The following PDE9A variants were observed in gnomAD, a reference collection of about 807,000 sequenced individuals.
The protein encoded by PDE9A is phosphodiesterase 9A, also known as high affinity cGMP-specific 3',5'-cyclic phosphodiesterase 9A.
PDE9A carries 60 observed loss-of-function variants against 87.4 expected under a neutral mutation model. The ratio of observed to expected loss-of-function variants is 0.69; its 90% CI spans 0.56 to 0.85. The LOEUF (loss-of-function observed/expected upper bound fraction) is 0.85, where lower values mean the gene tolerates loss of function less well. PDE9A is among the 40% of genes least tolerant of loss of function. The pLI, the probability that PDE9A is intolerant of heterozygous loss-of-function variation, is 0.00. For synonymous variants in PDE9A, 272 were observed against 279.4 expected (o/e 0.97, Z 0.27); for missense variants, 665 against 779.0 (o/e 0.85, Z 1.74).
At chr21:42,680,012 G>A (rs2059075705) in intron 1 of PDE9A, among the ~76,000 whole-genome samples, 1 of 152,226 alleles carries the variant, frequency 6.6e-6, no homozygotes, top group Admixed American at 6.5e-5. Flanking sequence ...GAGGCTGAGA[G>A]GTCTTCAGAA....
intron 1 of PDE9A, among the ~76,000 whole-genome samples, chr21:42,658,249 G>C (rs71320535): frequency 2.0e-5 from 3 of 152,268 alleles, no homozygotes; most frequent in Middle Eastern, 6.8e-3. Flanking sequence ...GGTCCTCCCC[G>C]CAGTGCTTGG....
chr21:42,657,816 C>T (rs901132482), intron 1 of PDE9A, among the ~76,000 whole-genome samples: 3 of 152,220 alleles, frequency 2.0e-5, no homozygotes, highest in Admixed American at 2.0e-4. Context: ...TCGGGACACT[C>T]GCACTGTGCG....
At chr21:42,707,070 C>T (rs767473021) in intron 4 of PDE9A, among the ~76,000 whole-genome samples, 27 of 152,274 alleles carry the variant, frequency 1.8e-4, no homozygotes, top group African/African-American at 4.6e-4. Context: ...TCCACAAAGG[C>T]TCTTGTGAAT....
chr21:42,672,741 T>C (rs1361955163), intron 1 of PDE9A, among the ~76,000 whole-genome samples: 1 of 152,248 alleles, frequency 6.6e-6, no homozygotes, highest in Non-Finnish European at 1.5e-5. Context: ...CGGTTGATCT[T>C]ATTAACGCAT....
intron 3 of PDE9A, among the ~76,000 whole-genome samples, 160 bp downstream of exon 3, chr21:42,688,154 C>T (rs2059582148): frequency 6.6e-6 from 1 of 152,196 alleles, no homozygotes; most frequent in South Asian, 2.1e-4. Flanking sequence ...AAGCTTGACT[C>T]GTCGTGTTCC....
At chr21:42,681,642 T>C (rs1602017041) in intron 1 of PDE9A, among the ~76,000 whole-genome samples, 1 of 152,210 alleles carries the variant, frequency 6.6e-6, no homozygotes, top group Non-Finnish European at 1.5e-5. Context: ...GCCCTCTGTC[T>C]CATCATTTGT....
intron 1 of PDE9A, among the ~76,000 whole-genome samples, chr21:42,667,789 G>C (rs778458796): frequency 3.3e-5 from 5 of 152,006 alleles, no homozygotes; most frequent in Admixed American, 6.6e-5. Context: ...CCTGCTGTTT[G>C]GTCCAGGACC....
intron 7 of PDE9A, among the ~76,000 whole-genome samples, chr21:42,736,244 G>A (rs559083359): frequency 3.6e-4 from 55 of 152,160 alleles, no homozygotes; most frequent in Admixed American, 5.2e-4. Context: ...GAATTATGTC[G>A]CCCACAACAA....
chr21:42,754,064 G>A lies in PDE9A; in HGVS notation c.810G>A (p.Glu270=), dbSNP rs1193066074. 5.6e-6 allele frequency: 9 copies of A among 1,608,074 alleles called. No individual in the cohort carries two copies. Among genetic ancestry groups the A allele is most frequent in the African/African-American group, 4.0e-5 (3 of 74,736 alleles). The change falls in exon 10 of 20, where the codon GAG becomes GAA. Residue 270 remains glutamate (E), a splice_region_variant and synonymous_variant. Transcript: ENST00000291539. ...TFDVWLWEPN[E]MLSCLEHMYH... is the part of the protein sequence containing the mutation. The stretch of plus-strand genomic sequence containing the variant: ...ACGTCTGGCTTTGGGAGCCCAATGA[G>A]GTAAGTGCGGGGCTTGCAGGCACCA...
intron 1 of PDE9A, among the ~76,000 whole-genome samples, chr21:42,670,480 A>C (rs2058459516): frequency 6.6e-6 from 1 of 150,934 alleles, no homozygotes; most frequent in African/African-American, 2.4e-5. Flanking sequence ...AGACTTACAC[A>C]CATACACTTA....
In PDE9A at chr21:42,675,578, G is replaced by A. The variant is rs936998659; in HGVS notation, c.70-10614G>A. Reference sequence around the variant, plus strand: ...AATACCGCCAACCTGCTTTCCGACAGCGCTGTGTGGATACACGGGCCCGAA... The same window carrying A: ...AATACCGCCAACCTGCTTTCCGACAACGCTGTGTGGATACACGGGCCCGAA... On this transcript the variant is annotated intron_variant, in intron 1 of 19. Transcript: ENST00000291539. The surrounding 1 kb of genome is among the most constrained non-coding windows in gnomAD (Gnocchi z 4.3). Among the ~76,000 whole-genome samples the A allele has an allele frequency of 1.3e-5, 2 of 152,240 alleles. No individual in the cohort carries two copies. Among genetic ancestry groups the A allele is most frequent in the Non-Finnish European group, 2.9e-5 (2 of 68,042 alleles).
intron 2 of PDE9A, among the ~76,000 whole-genome samples, chr21:42,686,832 A>G (rs1229117761): frequency 6.6e-6 from 1 of 152,000 alleles, no homozygotes; most frequent in Non-Finnish European, 1.5e-5. Flanking sequence ...ATAAATAAAT[A>G]AAAAAGAGTG....
intron 10 of PDE9A, among the ~76,000 whole-genome samples, chr21:42,756,624 C>T (rs564291796): frequency 6.6e-6 from 1 of 152,064 alleles, no homozygotes; most frequent in African/African-American, 2.4e-5. Context: ...GGCCCGTGAG[C>T]GTGGCCTGCC....
chr21:42,722,853 T>C lies in PDE9A; in HGVS notation c.263-8917T>C, dbSNP rs1214985309. Among the ~76,000 whole-genome samples the C allele has an allele frequency of 6.6e-6, 1 of 152,248 alleles. No individual in the cohort carries two copies. Among genetic ancestry groups the C allele is most frequent in the Non-Finnish European group, 1.5e-5 (1 of 68,048 alleles). On this transcript the variant is annotated intron_variant, in intron 4 of 19. Coordinates refer to ENST00000291539, the MANE Select transcript of PDE9A (RefSeq NM_002606.3). This position sits in a 1 kb window ranked among gnomAD's most constrained non-coding sequence, Gnocchi z 4.1. ...TGTGCTAGCAATCAGTGAAATCAAA[T>C]TTCATGTCATTCTGCACTGGGTAGA...
intron 13 of PDE9A, 57 bp from the exon 14 acceptor site, chr21:42,762,026 G>C: frequency 6.4e-7 from 1 of 1,552,956 alleles, no homozygotes; most frequent in South Asian, 1.2e-5. Context: ...TTGCTCCCCC[G>C]TGCAGGTACC....
At chr21:42,756,571 C>T (rs1179485056) in intron 10 of PDE9A, among the ~76,000 whole-genome samples, 2 of 136,596 alleles carry the variant, frequency 1.5e-5, no homozygotes, top group African/African-American at 6.1e-5. Flanking sequence ...GGCTGTGGCC[C>T]GTGAGCGTGG....
intron 4 of PDE9A, among the ~76,000 whole-genome samples, chr21:42,719,644 A>AT (rs1426274272): frequency 0.011 from 1,632 of 145,906 alleles, 35 homozygotes; most frequent in African/African-American, 0.037. Flanking sequence ...TGTCTCAAAA[A>AT]AAAAAAAAAA....
intron 8 of PDE9A, among the ~76,000 whole-genome samples, chr21:42,749,823 G>T (rs1416374334): frequency 6.6e-6 from 1 of 152,220 alleles, no homozygotes. Flanking sequence ...ACTGACTTTG[G>T]TGCAATTCCA....
At chr21:42,686,453 C>T (rs778343032) in intron 2 of PDE9A, among the ~76,000 whole-genome samples, 191 bp downstream of exon 2, 2 of 152,268 alleles carry the variant, frequency 1.3e-5, no homozygotes, top group Non-Finnish European at 2.9e-5. Context: ...TCTGCCTCCA[C>T]AGGTGATGGC....
Sources: gnomAD v4.1 joint callset for allele counts (sites outside exome capture counted in the v4.1 genomes callset) on GRCh38, gnomAD v4.1.1 for gene constraint, Gnocchi (gnomAD v3.1) non-coding constraint, MANE v1.5 for transcripts, NCBI Gene and HGNC (gene_info 2026-07-23, HGNC 2026-07-21) for gene names.